PDC: variants seen among roughly 807,000 people sequenced by gnomAD.
PDC encodes phosducin.
Under a neutral mutation model 22.2 loss-of-function variants are expected in PDC, and 19 were observed. The ratio of observed to expected loss-of-function variants is 0.86; its 90% CI spans 0.60 to 1.26. The LOEUF is 1.26. Ranked by LOEUF, PDC falls within the 50% of genes most tolerant of loss-of-function variation. PDC has a pLI of 0.00. For synonymous variants in PDC, 97 were observed against 96.2 expected (o/e 1.01, Z -0.05); for missense variants, 274 against 286.8 (o/e 0.96, Z 0.32).
chr1:186,455,525 G>C (rs1662438842), intron 1 of PDC, among the ~76,000 whole-genome samples: 1 of 151,940 alleles, frequency 6.6e-6, no homozygotes, highest in African/African-American at 2.4e-5. Flanking sequence ...GATTTTTCAG[G>C]GTTCCCCACC....
chr1:186,446,820 A>C (rs946595713), intron 2 of PDC, among the ~76,000 whole-genome samples: 1 of 152,196 alleles, frequency 6.6e-6, no homozygotes. Flanking sequence ...TGAAAATATA[A>C]ATTATGCACT....
chr1:186,459,726 G>C (rs1220155633), intron 1 of PDC, among the ~76,000 whole-genome samples: 1 of 135,124 alleles, frequency 7.4e-6, no homozygotes, highest in African/African-American at 2.7e-5. Flanking sequence ...TAAGTAGCAG[G>C]TACAATGGAC....
chr1:186,451,123 C>T (rs573296048), intron 1 of PDC: 3 of 152,276 alleles, frequency 2.0e-5, no homozygotes, highest in African/African-American at 4.8e-5. Flanking sequence ...TACCTTTGGT[C>T]TCAACACTTG....
Position 186,446,481 on chromosome 1 carries a change from A to G in PDC, c.158T>C (p.Met53Thr). The change falls in exon 3 of 4, where the codon ATG becomes ACG. Residue 53 changes from methionine to threonine, a missense_variant. By Grantham distance (81) the Met-to-Thr change is moderately conservative. Coordinates refer to ENST00000391997, the MANE Select transcript of PDC (RefSeq NM_002597.5). ...PPSKKEILRQ[M>T]SSPQSRNGKD... is the part of the protein sequence containing the mutation. ...GCCATTCCTACTCTGAGGAGAAGAC[A>G]TTTGCCTGAGAATCTCCTTCTTGCT... The G allele has an allele frequency of 2.5e-6, 4 of 1,609,120 alleles. No individual in the cohort carries two copies. Among genetic ancestry groups the G allele is most frequent in the Non-Finnish European group, 3.4e-6 (4 of 1,176,288 alleles).
At chr1:186,460,793 A>G (rs747949553) in intron 1 of PDC, among the ~76,000 whole-genome samples, 4 of 152,126 alleles carry the variant, frequency 2.6e-5, no homozygotes, top group African/African-American at 4.8e-5. Flanking sequence ...TTCTCCATTC[A>G]TGGTCTTATT....
At chr1:186,453,566 A>G (rs911774438) in intron 1 of PDC, among the ~76,000 whole-genome samples, 4 of 152,206 alleles carry the variant, frequency 2.6e-5, no homozygotes, top group South Asian at 2.1e-4. Context: ...TAATCACTGT[A>G]TGATATAGAC....
chr1:186,455,005 C>G (rs1437229920), intron 1 of PDC, among the ~76,000 whole-genome samples: 2 of 152,188 alleles, frequency 1.3e-5, no homozygotes, highest in Non-Finnish European at 2.9e-5. Flanking sequence ...AACTTTCTGC[C>G]ACTCTTCTAT....
chr1:186,448,773 G>T (rs1662288759), intron 2 of PDC: 1 of 296,410 alleles, frequency 3.4e-6, no homozygotes, highest in Non-Finnish European at 5.0e-6. Context: ...AAATTTAATG[G>T]CTCAATCCAA....
intron 1 of PDC, among the ~76,000 whole-genome samples, chr1:186,454,727 G>A (rs1200696004): frequency 6.6e-6 from 1 of 152,158 alleles, no homozygotes; most frequent in African/African-American, 2.4e-5. Context: ...ATTACACTGT[G>A]AGCTTTGTGT....
intron 3 of PDC, 62 bp from the exon 4 acceptor site, chr1:186,444,568 G>T: frequency 8.9e-7 from 1 of 1,125,630 alleles, no homozygotes; most frequent in African/African-American, 1.6e-5. Context: ...GATATACCAA[G>T]CCCATTCTCA....
chr1:186,449,375 A>G (rs1318806850), intron 2 of PDC, 24 bp downstream of exon 2: 3 of 1,504,282 alleles, frequency 2.0e-6, no homozygotes, highest in Non-Finnish European at 2.8e-6. Context: ...TTTAATAATT[A>G]TTTTTTCTTC....
chr1:186,453,991 C>A (rs937349844), intron 1 of PDC, among the ~76,000 whole-genome samples: 3 of 151,958 alleles, frequency 2.0e-5, no homozygotes, highest in Non-Finnish European at 4.4e-5. Context: ...AGAAGCCGAC[C>A]TAATTTTTTT....
chr1:186,445,828 C>T (rs556618179), intron 3 of PDC, among the ~76,000 whole-genome samples: 44 of 151,928 alleles, frequency 2.9e-4, no homozygotes, highest in Non-Finnish European at 6.0e-4. Context: ...ATAATATTGT[C>T]CCAATTTAGT....
At chr1:186,448,687 C>A in intron 2 of PDC, 1 of 965,110 alleles carries the variant, frequency 1.0e-6, no homozygotes, top group Non-Finnish European at 1.2e-6. Context: ...GGAAGGTATT[C>A]CTCACATTGC....
Position 186,443,895 on chromosome 1 carries a change from G to C in PDC, c.*84C>G, listed in dbSNP as rs1662158658. 7.3e-6 allele frequency: 7 copies of C among 962,918 alleles called. No individual in the cohort carries two copies. The highest frequency in any genetic ancestry group is 9.6e-6 in the Non-Finnish European group (6 of 627,200). 59.6% of individuals were successfully genotyped at this position (962,918 alleles called of 1,614,324 possible). On this transcript the variant is annotated 3_prime_UTR_variant, in exon 4 of 4. Transcript: ENST00000391997. ...GTTAGCATAGCCGTGCCCATACTCT[G>C]TGTTCACTAAAGCAATATAGATACT...
chr1:186,457,301 G>T (rs577628908), intron 1 of PDC, among the ~76,000 whole-genome samples: 2 of 152,190 alleles, frequency 1.3e-5, no homozygotes, highest in South Asian at 4.2e-4. Flanking sequence ...TATCAGATAG[G>T]TTTGACAACA....
rs193252377 is a variant in PDC, at chr1:186,445,758, C to T, written c.213+668G>A. On this transcript the variant is annotated intron_variant, in intron 3 of 3. Coordinates refer to ENST00000391997, the MANE Select transcript of PDC (RefSeq NM_002597.5). ...GCAGTGAGCCAAGATTGCGCCACTG[C>T]ACTCCAGCTGGGGTGACAGAATGAG... Among the ~76,000 whole-genome samples the T allele has an allele frequency of 3.5e-3, 534 of 152,226 alleles. 4 individuals are homozygous for T. Among genetic ancestry groups the T allele is most frequent in the South Asian group, 0.014 (67 of 4,820 alleles).
At position 186,446,479 on chromosome 1, in the gene PDC, A is replaced by C. The variant is rs769877476; in HGVS notation, c.160T>G (p.Ser54Ala). 1.2e-6 allele frequency: 2 copies of C among 1,609,330 alleles called. No individual in the cohort carries two copies. The highest frequency in any genetic ancestry group is 3.3e-5 in the Admixed American group (2 of 59,936). The change falls in exon 3 of 4, where the codon TCT becomes GCT. Residue 54 changes from serine to alanine, a missense_variant. Ser to Ala is a moderately conservative substitution (Grantham distance 99). Transcript: ENST00000391997. ...TTGCCATTCCTACTCTGAGGAGAAG[A>C]CATTTGCCTGAGAATCTCCTTCTTG... ...PSKKEILRQM[S>A]SPQSRNGKDS...
Position 186,443,692 on chromosome 1 carries a change from A to G in PDC, c.*287T>C, listed in dbSNP as rs1662151800. 2 of 270,480 alleles carry G rather than the reference A, an allele frequency of 7.4e-6. No individual in the cohort carries two copies. Among genetic ancestry groups the G allele is most frequent in the Admixed American group, 9.7e-5 (2 of 20,704 alleles). 16.8% of individuals were successfully genotyped at this position (270,480 alleles called of 1,614,324 possible). On this transcript the variant is annotated 3_prime_UTR_variant, in exon 4 of 4. Coordinates refer to ENST00000391997, the MANE Select transcript of PDC (RefSeq NM_002597.5). Reference sequence around the variant, plus strand: ...GATGAGGGAAAATGGAGTAAAAAAGACAAAACATAACTTGAAAGGGATTTT... The same window carrying G: ...GATGAGGGAAAATGGAGTAAAAAAGGCAAAACATAACTTGAAAGGGATTTT...
Sources: gnomAD v4.1 joint callset for allele counts (sites outside exome capture counted in the v4.1 genomes callset) on GRCh38, gnomAD v4.1.1 for gene constraint, MANE v1.5 for transcripts, NCBI Gene and HGNC (gene_info 2026-07-23, HGNC 2026-07-21) for gene names.